The following OSBPL9 variants were observed in gnomAD, a reference collection of about 807,000 sequenced individuals.
The protein encoded by OSBPL9 is oxysterol-binding protein-related protein 9.
Under a neutral mutation model 106.6 loss-of-function variants are expected in OSBPL9, and 40 were observed. The observed-to-expected ratio is 0.38, with a 90% confidence interval of 0.29 to 0.49. OSBPL9 has a LOEUF of 0.49. OSBPL9 is among the 20% of genes least tolerant of loss of function. OSBPL9 has a pLI of 0.97. For missense variants in OSBPL9, 609 were observed against 887.2 expected, an observed-to-expected ratio of 0.69 and a Z score of 3.98; for synonymous variants, 269 against 295.4, an observed-to-expected ratio of 0.91 and a Z score of 0.92.
intron 3 of OSBPL9, among the ~76,000 whole-genome samples, chr1:51,676,102 T>G (rs1368549298): frequency 6.6e-6 from 1 of 152,202 alleles, no homozygotes; most frequent in Non-Finnish European, 1.5e-5. Context: ...TCCTCTTCAT[T>G]GTTATAAAAT....
intron 4 of OSBPL9, 186 bp from the exon 5 acceptor site, chr1:51,745,350 T>A (rs1015786235): frequency 9.1e-6 from 7 of 765,052 alleles, no homozygotes; most frequent in Non-Finnish European, 1.9e-6. Context: ...TGCTCCAAGT[T>A]AATGAGGAAG....
chr1:51,758,331 T>G (rs1051981454), intron 9 of OSBPL9, among the ~76,000 whole-genome samples: 6 of 151,936 alleles, frequency 3.9e-5, no homozygotes, highest in African/African-American at 9.7e-5. Flanking sequence ...AAATGCTGAT[T>G]GGTTAACATC....
Position 51,682,719 on chromosome 1 carries a change from T to C in OSBPL9, c.241+13207T>C, listed in dbSNP as rs564373678. ...TTGTAGTGAGCCGAGATCACACCAT[T>C]GCACTCCAGCCTGGGCAACAGAGCG... On this transcript the variant is annotated intron_variant, in intron 3 of 23. Coordinates refer to ENST00000428468, the MANE Select transcript of OSBPL9 (RefSeq NM_024586.6). Among the ~76,000 whole-genome samples, 264 of 151,920 alleles carry C rather than the reference T, an allele frequency of 1.7e-3. 3 individuals are homozygous for C. Among genetic ancestry groups the C allele is most frequent in the Non-Finnish European group, 1.1e-3 (72 of 67,984 alleles).
chr1:51,604,347 G>C (rs999807545), intron 2 of OSBPL9, among the ~76,000 whole-genome samples: 2 of 152,106 alleles, frequency 1.3e-5, no homozygotes, highest in African/African-American at 4.8e-5. Context: ...CCTGAGGTCA[G>C]GAGTGCAAGG....
intron 2 of OSBPL9, among the ~76,000 whole-genome samples, chr1:51,656,739 A>C (rs1050023634): frequency 6.7e-6 from 1 of 150,150 alleles, no homozygotes; most frequent in Non-Finnish European, 1.5e-5. Context: ...AGCTCACTAC[A>C]TCCCCAAATT....
intron 2 of OSBPL9, among the ~76,000 whole-genome samples, chr1:51,598,992 CA>C (rs986127011): frequency 0.038 from 2,539 of 66,912 alleles, 34 homozygotes; most frequent in African/African-American, 0.099. Context: ...GACTCTGTCT[CA>C]AAAAAAAAAA....
intron 15 of OSBPL9, among the ~76,000 whole-genome samples, chr1:51,777,931 T>C (rs1386887405): frequency 1.3e-5 from 2 of 152,096 alleles, no homozygotes; most frequent in Admixed American, 6.6e-5. Context: ...AGTAGAAGGA[T>C]TGCTTGAAGC....
chr1:51,615,685 C>A (rs2148608069), upstream of OSBPL9, among the ~76,000 whole-genome samples: 1 of 152,284 alleles, frequency 6.6e-6, no homozygotes, highest in Non-Finnish European at 1.5e-5. Flanking sequence ...AGTGCCTCAT[C>A]TTTTAGTTTC....
chr1:51,716,106 C>T (rs1002628205), intron 4 of OSBPL9, among the ~76,000 whole-genome samples: 6 of 152,140 alleles, frequency 3.9e-5, no homozygotes, highest in African/African-American at 7.2e-5. Flanking sequence ...GAATAATGGG[C>T]AGAAAAAGAT....
At chr1:51,723,953 CTTTAT>C (rs1395898072) in intron 4 of OSBPL9, among the ~76,000 whole-genome samples, 2 of 151,964 alleles carry the variant, frequency 1.3e-5, no homozygotes, top group African/African-American at 4.8e-5. Flanking sequence ...TCTCTCAGTC[CTTTAT>C]TTTATTTGGA....
intron 4 of OSBPL9, among the ~76,000 whole-genome samples, chr1:51,738,009 T>C (rs1666086673): frequency 6.6e-6 from 1 of 152,082 alleles, no homozygotes; most frequent in African/African-American, 2.4e-5. Flanking sequence ...AAATATACAG[T>C]CATCCTATTT....
intron 3 of OSBPL9, among the ~76,000 whole-genome samples, chr1:51,695,886 G>A (rs910961388): frequency 2.0e-5 from 3 of 152,176 alleles, no homozygotes; most frequent in African/African-American, 7.2e-5. Context: ...TAGAGATGGG[G>A]CTCAGGCATT....
chr1:51,724,001 C>T (rs1302634140), intron 4 of OSBPL9, among the ~76,000 whole-genome samples: 2 of 152,138 alleles, frequency 1.3e-5, no homozygotes, highest in Non-Finnish European at 2.9e-5. Context: ...GGCTGCCATA[C>T]AGTGGTGCCA....
At chr1:51,684,159 A>G (rs1653231110) in intron 3 of OSBPL9, among the ~76,000 whole-genome samples, 5 of 152,094 alleles carry the variant, frequency 3.3e-5, no homozygotes, top group African/African-American at 1.2e-4. Context: ...ACTCACTCCC[A>G]TGCCCAACTA....
At chr1:51,586,293 TTTCTTCTA>T (rs1210800561) in intron 1 of OSBPL9, among the ~76,000 whole-genome samples, 66 of 152,198 alleles carry the variant, frequency 4.3e-4, no homozygotes, top group African/African-American at 1.5e-3. Flanking sequence ...TTTGGTACAT[TTTCTTCTA>T]TTCTTTTTTT....
In OSBPL9 at chr1:51,765,868, C is replaced by G; in HGVS notation, c.825C>G (p.His275Gln). ...PPSSSLTSPSHVNLSPNTVPE... is the reference protein window; with the variant it reads ...PPSSSLTSPSQVNLSPNTVPE... ...GTAGCAGTCTCACTTCTCCAAGCCACGTGAACTTGTCTCCAAATACAGTCC... is the reference window on the plus strand; with the variant it reads ...GTAGCAGTCTCACTTCTCCAAGCCAGGTGAACTTGTCTCCAAATACAGTCC... Residue 275 changes from histidine (H) to glutamine (Q), a missense_variant, in exon 12 of 24, where the codon CAC becomes CAG. His to Gln is a conservative substitution (Grantham distance 24). Transcript: ENST00000428468. 6.2e-7 allele frequency: 1 copy of G among 1,614,060 alleles called. No individual in the cohort carries two copies. Among genetic ancestry groups the G allele is most frequent in the Admixed American group, 1.7e-5 (1 of 60,010 alleles).
chr1:51,588,678 C>T (rs999890300), intron 1 of OSBPL9, among the ~76,000 whole-genome samples: 5 of 152,052 alleles, frequency 3.3e-5, no homozygotes, highest in African/African-American at 1.2e-4. Flanking sequence ...GAAAAAGACT[C>T]GCTGGTACAC....
chr1:51,648,445 C>G (rs1646302791), intron 1 of OSBPL9, among the ~76,000 whole-genome samples: 2 of 152,164 alleles, frequency 1.3e-5, no homozygotes, highest in Non-Finnish European at 2.9e-5. Context: ...CTTCCCTTTG[C>G]CCCGGTTGAA....
Position 51,588,044 on chromosome 1 carries a change from TC to T in OSBPL9, c.-422-10079del, listed in dbSNP as rs138008314. On this transcript the variant is annotated intron_variant, in intron 1 of 25. Transcript: ENST00000371714. ...ATCACTGAAAGAGTGAATAATAGGA[TC>T]TTCCTTATAGAACTGGTGAGAAATT... is the stretch of plus-strand genomic sequence containing the variant. 7.9e-3 allele frequency among the ~76,000 whole-genome samples: 1,205 copies of T among 152,326 alleles called. 62 individuals are homozygous for T. The East Asian group carries it at 0.11, about 14-fold the overall frequency.
Sources: allele counts gnomAD v4.1 joint callset (sites outside exome capture counted in the v4.1 genomes callset), GRCh38; gene constraint gnomAD v4.1.1; transcripts MANE v1.5; gene names NCBI Gene and HGNC (gene_info 2026-07-23, HGNC 2026-07-21).